The following GON4L variants were observed in gnomAD, a reference collection of about 807,000 sequenced individuals.
The protein encoded by GON4L is GON-4-like protein.
Under a neutral mutation model 211.8 loss-of-function variants are expected in GON4L, and 87 were observed. That is an observed-to-expected ratio of 0.41 (90% confidence interval 0.35 to 0.49). GON4L has a LOEUF of 0.49. Ranked by LOEUF, GON4L falls within the 20% of genes least tolerant of loss-of-function variation. The probability of loss-of-function intolerance (pLI) is 0.15; values close to 1 mark genes in which losing one functional copy is unlikely to be tolerated. For missense variants in GON4L, 2,155 were observed against 2,659.5 expected (o/e 0.81, Z 4.17); for synonymous variants, 875 against 962.6 (o/e 0.91, Z 1.68).
chr1:155,762,768 T>C (rs958360205), intron 22 of GON4L, among the ~76,000 whole-genome samples: 1 of 152,234 alleles, frequency 6.6e-6, no homozygotes, highest in African/African-American at 2.4e-5. Flanking sequence ...CCAGGCACAG[T>C]GGCTCACGCC....
At position 155,775,159 on chromosome 1, in the gene GON4L, G is replaced by A. The variant is rs1663650749; in HGVS notation, c.2193C>T (p.Thr731=). The change falls in exon 17 of 32, where the codon ACC becomes ACT. Residue 731 remains threonine (T), a synonymous_variant. Coordinates refer to ENST00000368331, the MANE Select transcript of GON4L (RefSeq NM_001282860.2). ...TTRIFLKELG[T]FAQSSIALHH... ...GAAGGGCGATGGAGCTTTGAGCAAA[G>A]GTTCCCAGCTCTTTCTGGGAAAACA... is the stretch of plus-strand genomic sequence containing the variant. 6.2e-7 allele frequency: 1 copy of A among 1,614,030 alleles called. No homozygotes were observed. The highest frequency in any genetic ancestry group is 1.7e-5 in the Admixed American group (1 of 59,986).
chr1:155,819,160 G>C (rs1282278811), intron 6 of GON4L, among the ~76,000 whole-genome samples: 3 of 79,624 alleles, frequency 3.8e-5, no homozygotes, highest in Admixed American at 1.4e-4. Flanking sequence ...AAAATTAGCC[G>C]GGCATGGTGG....
chr1:155,824,047 A>G (rs1668959145), intron 3 of GON4L, among the ~76,000 whole-genome samples: 1 of 152,160 alleles, frequency 6.6e-6, no homozygotes, highest in Non-Finnish European at 1.5e-5. Context: ...AGAAGTACAC[A>G]TGTTCAGCAA....
intron 11 of GON4L, among the ~76,000 whole-genome samples, chr1:155,795,806 T>C (rs1666012689): frequency 6.6e-6 from 1 of 152,058 alleles, no homozygotes; most frequent in South Asian, 2.1e-4. Flanking sequence ...CCCAACTAAT[T>C]TTTGTATTTT....
intron 12 of GON4L, among the ~76,000 whole-genome samples, chr1:155,788,532 A>G (rs1665185732): frequency 6.6e-6 from 1 of 152,234 alleles, no homozygotes; most frequent in African/African-American, 2.4e-5. Context: ...ATTTCCACAA[A>G]GACTTGCACA....
intron 21 of GON4L, chr1:155,764,744 C>G (rs1662251152): frequency 5.1e-6 from 6 of 1,167,688 alleles, no homozygotes; most frequent in Non-Finnish European, 7.4e-6. Flanking sequence ...CAGCCTATTA[C>G]TATTTTTTAA....
intron 14 of GON4L, among the ~76,000 whole-genome samples, chr1:155,781,299 C>T (rs563489094): frequency 3.3e-5 from 5 of 151,790 alleles, no homozygotes; most frequent in South Asian, 2.1e-4. Context: ...CCTGCCAACA[C>T]GTCCGACTAA....
Position 155,752,574 on chromosome 1 carries a change from C to T in GON4L, c.5859G>A (p.Gly1953=). ...EMPVSAGLAV[G]STLPSPREVT... The stretch of plus-strand genomic sequence containing the variant: ...CTTCTCGAGGGGATGGCAAAGTGCT[C>T]CCCACTGCCAATCCTGCTTAGGAGG... Residue 1953 remains glycine, a synonymous_variant, in exon 30 of 32, where the codon GGG becomes GGA. Transcript: ENST00000368331. 1 of 1,589,190 alleles carries T rather than the reference C, an allele frequency of 6.3e-7. No homozygotes were observed. Among genetic ancestry groups the T allele is most frequent in the East Asian group, 2.3e-5 (1 of 43,850 alleles).
upstream of GON4L, among the ~76,000 whole-genome samples, chr1:155,859,147 T>A (rs1460147464): frequency 6.6e-6 from 1 of 151,866 alleles, no homozygotes; most frequent in Non-Finnish European, 1.5e-5. Flanking sequence ...GTCTCAGAAA[T>A]GCATAATGAT....
chr1:155,784,203 C>A (rs548999952), intron 13 of GON4L, 114 bp from the exon 14 acceptor site: 3 of 1,408,946 alleles, frequency 2.1e-6, no homozygotes, highest in South Asian at 2.4e-5. Flanking sequence ...AATGCTGGCA[C>A]CCAGAAAGAG....
chr1:155,817,785 A>C (rs1668378607), intron 6 of GON4L, among the ~76,000 whole-genome samples: 1 of 152,166 alleles, frequency 6.6e-6, no homozygotes, highest in Non-Finnish European at 1.5e-5. Flanking sequence ...TTAGCTGGAC[A>C]TGGTGGCACA....
At chr1:155,784,343 A>G in intron 13 of GON4L, 1 of 260,022 alleles carries the variant, frequency 3.8e-6, no homozygotes, top group Non-Finnish European at 6.9e-6. Flanking sequence ...ACTCAAAATT[A>G]TCAATCTCTC....
intron 1 of GON4L, among the ~76,000 whole-genome samples, chr1:155,856,100 G>A (rs551717958): frequency 1.2e-3 from 179 of 151,488 alleles, no homozygotes; most frequent in African/African-American, 4.2e-3. Flanking sequence ...ATGTTCAAGC[G>A]AAGCCTGAAT....
chr1:155,796,607 T>A (rs1571775011), intron 11 of GON4L, among the ~76,000 whole-genome samples: 1 of 152,120 alleles, frequency 6.6e-6, no homozygotes, highest in Non-Finnish European at 1.5e-5. Flanking sequence ...TGCTAAACTG[T>A]CTTTTCAATT....
At chr1:155,809,528 T>C (rs978857824) in intron 10 of GON4L, among the ~76,000 whole-genome samples, 12 of 145,410 alleles carry the variant, frequency 8.3e-5, no homozygotes, top group South Asian at 2.1e-4. Context: ...TATATACTTA[T>C]ATATAATTAT....
downstream of GON4L, among the ~76,000 whole-genome samples, chr1:155,745,566 G>A (rs1571592422): frequency 6.6e-6 from 1 of 152,368 alleles, no homozygotes; most frequent in South Asian, 2.1e-4. Context: ...CGGAGACAGC[G>A]CCCACCCCGC....
chr1:155,789,209 T>C (rs1290308727), intron 12 of GON4L, among the ~76,000 whole-genome samples: 1 of 152,080 alleles, frequency 6.6e-6, no homozygotes, highest in East Asian at 1.9e-4. Context: ...GGGATTTGTG[T>C]CACATAGGTA....
At chr1:155,827,518 T>C (rs1385002921) in intron 2 of GON4L, among the ~76,000 whole-genome samples, 2 of 152,156 alleles carry the variant, frequency 1.3e-5, no homozygotes, top group African/African-American at 2.4e-5. Flanking sequence ...TAGGTGAGGC[T>C]AGCATTAAAA....
At chr1:155,760,345 AG>A (rs1446284599) in intron 24 of GON4L, 98 bp downstream of exon 24, 2 of 715,428 alleles carry the variant, frequency 2.8e-6, no homozygotes, top group Non-Finnish European at 4.7e-6. Context: ...TGTGTCTGGA[AG>A]GAGCTGGGAG....
Sources: gnomAD v4.1 joint callset for allele counts (sites outside exome capture counted in the v4.1 genomes callset) on GRCh38, gnomAD v4.1.1 for gene constraint, MANE v1.5 for transcripts, NCBI Gene and HGNC (gene_info 2026-07-23, HGNC 2026-07-21) for gene names.